Variants in PBX3 observed in about 807,000 individuals in gnomAD.
PBX3 encodes the protein PBX homeobox 3.
PBX3 carries 14 observed loss-of-function variants against 48.5 expected under a neutral mutation model. The observed-to-expected ratio is 0.29, with a 90% CI of 0.19 to 0.45. The LOEUF (loss-of-function observed/expected upper bound fraction) is 0.45, where lower values mean the gene tolerates loss of function less well. PBX3 is among the 20% of genes least tolerant of loss of function. The probability of loss-of-function intolerance (pLI) is 1.00; values close to 1 mark genes in which losing one functional copy is unlikely to be tolerated. For synonymous variants in PBX3, 210 were observed against 200.3 expected (o/e 1.05, Z -0.41); for missense variants, 386 against 546.7 (o/e 0.71, Z 2.93).
chr9:125,858,326 G>A (rs932556745), intron 2 of PBX3, among the ~76,000 whole-genome samples: 32 of 152,092 alleles, frequency 2.1e-4, no homozygotes, highest in Non-Finnish European at 2.5e-4. Flanking sequence ...TATACCTCTC[G>A]TTTGTATATT....
chr9:125,792,260 G>T (rs1285787941), intron 2 of PBX3, among the ~76,000 whole-genome samples: 2 of 152,138 alleles, frequency 1.3e-5, no homozygotes, highest in Non-Finnish European at 1.5e-5. Context: ...ACAGAAAAAA[G>T]ACCTTTTTGG....
At chr9:125,870,119 G>C (rs558189502) in intron 2 of PBX3, among the ~76,000 whole-genome samples, 1 of 151,268 alleles carries the variant, frequency 6.6e-6, no homozygotes, top group Admixed American at 6.6e-5. Flanking sequence ...TCAGCTCACT[G>C]AGACAGTAGC....
intron 2 of PBX3, among the ~76,000 whole-genome samples, chr9:125,816,987 G>A (rs989855504): frequency 9.9e-5 from 15 of 152,110 alleles, no homozygotes; most frequent in Non-Finnish European, 2.1e-4. Context: ...TGCAGTTAAT[G>A]TATCTGTGCA....
At chr9:125,806,513 G>A (rs1364537679) in intron 2 of PBX3, among the ~76,000 whole-genome samples, 1 of 152,114 alleles carries the variant, frequency 6.6e-6, no homozygotes, top group Non-Finnish European at 1.5e-5. Flanking sequence ...CATGGTGGAA[G>A]GGCAAAAAGG....
At chr9:125,835,015 C>CAAAAAAAA (rs745638368) in intron 2 of PBX3, among the ~76,000 whole-genome samples, 4 of 25,170 alleles carry the variant, frequency 1.6e-4, no homozygotes, top group Non-Finnish European at 2.1e-4. Flanking sequence ...AACTCTGTCT[C>CAAAAAAAA]AAAAAAAAAA....
At chr9:125,872,766 A>G (rs2132325400) in intron 2 of PBX3, among the ~76,000 whole-genome samples, 1 of 151,740 alleles carries the variant, frequency 6.6e-6, no homozygotes, top group African/African-American at 2.4e-5. Flanking sequence ...TCTCAAAAAA[A>G]GAAATAAAAA....
At chr9:125,918,773 T>C (rs914419235) in intron 3 of PBX3, among the ~76,000 whole-genome samples, 1 of 152,234 alleles carries the variant, frequency 6.6e-6, no homozygotes, top group Non-Finnish European at 1.5e-5. Flanking sequence ...CTGGCTTTTA[T>C]AGCTCTTGTG....
intron 2 of PBX3, among the ~76,000 whole-genome samples, chr9:125,899,319 T>G (rs7848999): frequency 2.0e-5 from 2 of 98,916 alleles, no homozygotes; most frequent in South Asian, 2.7e-4. Flanking sequence ...ATGTATATAT[T>G]TTTATATAAA....
At chr9:125,851,523 G>A (rs890786598) in intron 2 of PBX3, among the ~76,000 whole-genome samples, 1 of 152,024 alleles carries the variant, frequency 6.6e-6, no homozygotes, top group Non-Finnish European at 1.5e-5. Context: ...TTTTTAACAC[G>A]TTTGTTGATA....
chr9:125,808,612 G>A (rs965783735), intron 2 of PBX3, among the ~76,000 whole-genome samples: 10 of 152,142 alleles, frequency 6.6e-5, no homozygotes, highest in African/African-American at 2.4e-4. Flanking sequence ...GCTTCAGTGA[G>A]TTATGATCAT....
chr9:125,922,266 CAA>C (rs1841473445), intron 3 of PBX3, among the ~76,000 whole-genome samples: 1 of 152,082 alleles, frequency 6.6e-6, no homozygotes. Context: ...ATGGGAAAGA[CAA>C]AGACTCATAA....
intron 6 of PBX3, among the ~76,000 whole-genome samples, chr9:125,961,406 G>A (rs1045880089): frequency 6.6e-6 from 1 of 152,156 alleles, no homozygotes; most frequent in African/African-American, 2.4e-5. Context: ...ATCCTCGTCC[G>A]GTACATTTTG....
chr9:125,929,541 A>G, intron 3 of PBX3, 114 bp from the exon 4 acceptor site: 2 of 692,920 alleles, frequency 2.9e-6, no homozygotes, highest in Non-Finnish European at 4.8e-6. Flanking sequence ...ATTTTACCCT[A>G]CACACTGTAT....
chr9:125,864,212 A>T (rs1393119861), intron 2 of PBX3, among the ~76,000 whole-genome samples: 7 of 152,240 alleles, frequency 4.6e-5, no homozygotes, highest in African/African-American at 1.7e-4. Flanking sequence ...TGGAACCATT[A>T]AAAGAAAATC....
chr9:125,770,220 G>C (rs12235436), intron 2 of PBX3, among the ~76,000 whole-genome samples: 3,060 of 152,176 alleles, frequency 0.02, 172 homozygotes, highest in East Asian at 0.17. Flanking sequence ...AGAAATAACA[G>C]TAAAGCCTGT....
At chr9:125,927,042 A>T (rs1841593792) in intron 3 of PBX3, among the ~76,000 whole-genome samples, 1 of 152,230 alleles carries the variant, frequency 6.6e-6, no homozygotes. Context: ...CTCTCATCAG[A>T]ATTATTAATA....
chr9:125,839,653 T>C (rs1001140193), intron 2 of PBX3, among the ~76,000 whole-genome samples: 1 of 152,180 alleles, frequency 6.6e-6, no homozygotes, highest in Non-Finnish European at 1.5e-5. Flanking sequence ...TTCTCTTGTC[T>C]CTGTTAGGAA....
At chr9:125,914,615 A>AAGAGAATC (rs1256850024) in intron 2 of PBX3, among the ~76,000 whole-genome samples, 1 of 152,224 alleles carries the variant, frequency 6.6e-6, no homozygotes, top group African/African-American at 2.4e-5. Flanking sequence ...ACAGACTCAA[A>AAGAGAATC]AGAGAATCCA....
intron 3 of PBX3, among the ~76,000 whole-genome samples, chr9:125,916,918 G>C (rs906216192): frequency 3.3e-5 from 5 of 152,136 alleles, no homozygotes; most frequent in African/African-American, 1.2e-4. Flanking sequence ...CTATGAAATT[G>C]CTAAGTTTTG....
Sources: allele counts gnomAD v4.1 joint callset (sites outside exome capture counted in the v4.1 genomes callset), GRCh38; gene constraint gnomAD v4.1.1; transcripts MANE v1.5; gene names NCBI Gene and HGNC (gene_info 2026-07-23, HGNC 2026-07-21).